The following USP34 variants were observed in gnomAD, a reference collection of about 807,000 sequenced individuals.
USP34 encodes the protein ubiquitin specific peptidase 34.
Under a neutral mutation model 460.3 loss-of-function variants are expected in USP34, and 70 were observed. The observed-to-expected ratio is 0.15, with a 90% CI of 0.13 to 0.19. The LOEUF (loss-of-function observed/expected upper bound fraction) is 0.19, where lower values mean the gene tolerates loss of function less well. Ranked by LOEUF, USP34 falls within the 10% of genes least tolerant of loss-of-function variation. The pLI, the probability that USP34 is intolerant of heterozygous loss-of-function variation, is 1.00. For synonymous variants in USP34, 1,647 were observed against 1,405.3 expected, an observed-to-expected ratio of 1.17 and a Z score of -3.85; for missense variants, 3,985 against 4,236.2, an observed-to-expected ratio of 0.94 and a Z score of 1.65.
intron 33 of USP34, among the ~76,000 whole-genome samples, chr2:61,291,473 T>C (rs989711491): frequency 4.6e-5 from 7 of 152,138 alleles, no homozygotes; most frequent in Admixed American, 6.6e-5. Context: ...TTATTGATAA[T>C]AGCCCCAAAC....
intron 51 of USP34, 39 bp from the exon 52 acceptor site, chr2:61,241,858 T>C (rs1270121809): frequency 1.8e-6 from 2 of 1,104,352 alleles, no homozygotes; most frequent in South Asian, 1.5e-5. Flanking sequence ...TTTGAAAAAA[T>C]GGGTATACTC....
intron 5 of USP34, among the ~76,000 whole-genome samples, chr2:61,388,272 T>C (rs946392998): frequency 6.6e-6 from 1 of 151,940 alleles, no homozygotes; most frequent in South Asian, 2.1e-4. Context: ...AATGAGCTAC[T>C]ACTATAAATC....
At chr2:61,413,654 G>C (rs898044183) in intron 2 of USP34, among the ~76,000 whole-genome samples, 7 of 139,624 alleles carry the variant, frequency 5.0e-5, no homozygotes, top group African/African-American at 1.6e-4. Flanking sequence ...GTGAGACTCA[G>C]TCTCAAAAAA....
chr2:61,363,175 A>G (rs1211025364), intron 10 of USP34, among the ~76,000 whole-genome samples: 1 of 152,176 alleles, frequency 6.6e-6, no homozygotes, highest in African/African-American at 2.4e-5. Context: ...CACACCTACT[A>G]GGATAGCTGA....
intron 1 of USP34, among the ~76,000 whole-genome samples, chr2:61,427,291 G>A (rs1380628831): frequency 6.6e-6 from 1 of 152,206 alleles, no homozygotes; most frequent in Non-Finnish European, 1.5e-5. Flanking sequence ...GCCTCCCAAA[G>A]TGCTGGGATT....
chr2:61,240,220 A>G (rs1369557572), intron 53 of USP34, among the ~76,000 whole-genome samples: 1 of 137,800 alleles, frequency 7.3e-6, no homozygotes, highest in Non-Finnish European at 1.6e-5. Context: ...ATAATGTACT[A>G]TTACTACTTA....
chr2:61,406,449 G>A (rs917434619), intron 2 of USP34, among the ~76,000 whole-genome samples: 4 of 152,088 alleles, frequency 2.6e-5, no homozygotes, highest in Non-Finnish European at 4.4e-5. Context: ...CTCAATATAT[G>A]TTTAGCAAGT....
chr2:61,354,642 A>G (rs764005638), intron 10 of USP34, among the ~76,000 whole-genome samples: 2 of 152,206 alleles, frequency 1.3e-5, no homozygotes, highest in Non-Finnish European at 2.9e-5. Flanking sequence ...GGCCTCAGCT[A>G]GCCTGAGCCG....
chr2:61,362,156 T>A (rs140119359), intron 10 of USP34, among the ~76,000 whole-genome samples: 1 of 152,040 alleles, frequency 6.6e-6, no homozygotes, highest in Non-Finnish European at 1.5e-5. Context: ...AGACAAAAGA[T>A]AAATGTTAGC....
chr2:61,372,455 G>A (rs1429631422), intron 8 of USP34, among the ~76,000 whole-genome samples: 1 of 152,136 alleles, frequency 6.6e-6, no homozygotes, highest in East Asian at 1.9e-4. Flanking sequence ...CCAGGCTGGT[G>A]CTGTGGTTCA....
chr2:61,430,194 G>T (rs1223132193), intron 1 of USP34, among the ~76,000 whole-genome samples: 1 of 143,438 alleles, frequency 7.0e-6, no homozygotes, highest in Non-Finnish European at 1.5e-5. Flanking sequence ...CCGCCTGGGC[G>T]ACAGAGCGAG....
chr2:61,387,395 G>A (rs1261691598), intron 5 of USP34, among the ~76,000 whole-genome samples: 7 of 151,878 alleles, frequency 4.6e-5, no homozygotes. Context: ...AACCCAGGAG[G>A]TGGAGACTGC....
chr2:61,448,226 T>C (rs1695173621), intron 1 of USP34, among the ~76,000 whole-genome samples: 1 of 152,150 alleles, frequency 6.6e-6, no homozygotes, highest in Non-Finnish European at 1.5e-5. Context: ...ATAATCCCAG[T>C]ACTTTGGGCG....
intron 10 of USP34, 107 bp from the exon 11 acceptor site, chr2:61,350,800 AT>A: frequency 3.5e-6 from 4 of 1,134,676 alleles, no homozygotes; most frequent in Non-Finnish European, 4.9e-6. Context: ...GTACACTAAT[AT>A]TTTTTAATAT....
At chr2:61,401,164 A>AT (rs1693706653) in intron 3 of USP34, among the ~76,000 whole-genome samples, 1 of 151,406 alleles carries the variant, frequency 6.6e-6, no homozygotes, top group Non-Finnish European at 1.5e-5. Flanking sequence ...AAAAAAAAAA[A>AT]AAAAATTAAA....
chr2:61,278,174 C>A lies in USP34; in HGVS notation c.5424G>T (p.Arg1808Ser), dbSNP rs774367602. 1.2e-6 allele frequency: 2 copies of A among 1,612,648 alleles called. No individual in the cohort carries two copies. Among genetic ancestry groups the A allele is most frequent in the African/African-American group, 2.7e-5 (2 of 74,878 alleles). Residue 1808 changes from arginine (R) to serine (S), a missense_variant, in exon 41 of 80, where the codon AGG becomes AGT. Arg to Ser is a moderately radical substitution (Grantham distance 110). This residue lies in a region of USP34 where 1,114 missense variants were observed against 1,122.5 expected (regional missense o/e 0.99). Transcript: ENST00000398571. ...TTATCTTAACACTTACCTGTCCTTC[C>A]CTTGAAAATTTAAAGGGTGGTTTGT... is the stretch of plus-strand genomic sequence containing the variant. ...VKHKPPFKFSREGQEFLRDIF... is the reference protein window; with the variant it reads ...VKHKPPFKFSSEGQEFLRDIF...
intron 43 of USP34, among the ~76,000 whole-genome samples, chr2:61,262,142 G>T (rs1415603985): frequency 4.6e-5 from 6 of 129,226 alleles, no homozygotes; most frequent in African/African-American, 1.7e-4. Context: ...TAGATAGATA[G>T]ATAGATAGAT....
chr2:61,364,071 C>T (rs564214174), intron 10 of USP34, among the ~76,000 whole-genome samples: 1 of 152,136 alleles, frequency 6.6e-6, no homozygotes, highest in Non-Finnish European at 1.5e-5. Flanking sequence ...CTCATGGAGA[C>T]AGAAGATGAC....
At chr2:61,261,348 A>G (rs542768685) in intron 43 of USP34, among the ~76,000 whole-genome samples, 2 of 152,394 alleles carry the variant, frequency 1.3e-5, no homozygotes, top group African/African-American at 4.8e-5. Context: ...TCTGACACAT[A>G]CAACAGCATG....
Sources: allele counts gnomAD v4.1 joint callset (sites outside exome capture counted in the v4.1 genomes callset), GRCh38; gene constraint gnomAD v4.1.1; regional missense constraint gnomAD v4.1.1; transcripts MANE v1.5; gene names NCBI Gene and HGNC (gene_info 2026-07-23, HGNC 2026-07-21).